Variants in CHM observed in about 807,000 individuals in gnomAD.
CHM encodes the protein rab proteins geranylgeranyltransferase component A 1.
A neutral mutation model predicts 49.0 loss-of-function variants in CHM; 10 were observed. The ratio of observed to expected loss-of-function variants is 0.20; its 90% CI spans 0.13 to 0.35. The LOEUF is 0.35. Ranked by LOEUF, CHM falls within the 10% of genes least tolerant of loss-of-function variation. CHM has a pLI of 1.00. For synonymous variants in CHM, 184 were observed against 167.5 expected (o/e 1.10, Z -0.76); for missense variants, 455 against 478.4 (o/e 0.95, Z 0.46).
At chrX:85,917,781 T>TAACAAAATA (rs1436948316) in intron 8 of CHM, among the ~76,000 whole-genome samples, 2 of 96,696 alleles carry the variant, frequency 2.1e-5, no homozygotes, top group Non-Finnish European at 4.2e-5. Context: ...GAAGCATAAA[T>TAACAAAATA]AACAAAATAA....
intron 14 of CHM, among the ~76,000 whole-genome samples, chrX:85,865,224 C>T (rs965171638): frequency 1.8e-5 from 2 of 111,670 alleles, no homozygotes; most frequent in East Asian, 5.6e-4. Flanking sequence ...GTTATCCCCA[C>T]GTGTTAGGGG....
intron 2 of CHM, among the ~76,000 whole-genome samples, chrX:86,006,466 T>A (rs974647732): frequency 1.8e-5 from 2 of 111,608 alleles, no homozygotes; most frequent in African/African-American, 6.5e-5. Flanking sequence ...AAAGAAGAAG[T>A]CAAATTGTCC....
At chrX:85,886,536 T>C (rs1022596284) in intron 12 of CHM, among the ~76,000 whole-genome samples, 3 of 111,638 alleles carry the variant, frequency 2.7e-5, no homozygotes, top group Non-Finnish European at 5.7e-5. Context: ...CAGGTTTGGA[T>C]ACATAAAATA....
intron 2 of CHM, among the ~76,000 whole-genome samples, chrX:86,024,646 T>C (rs1933732695): frequency 9.0e-6 from 1 of 111,696 alleles, no homozygotes; most frequent in Admixed American, 9.5e-5. Flanking sequence ...GACAGTGGCA[T>C]AAAGAAAAAG....
intron 2 of CHM, among the ~76,000 whole-genome samples, chrX:85,982,588 C>A (rs1931689691): frequency 9.0e-6 from 1 of 110,958 alleles, no homozygotes; most frequent in South Asian, 3.9e-4. Flanking sequence ...TTTTTTGCAA[C>A]CAGAACTCTT....
rs192963050 is a variant in CHM, at chrX:86,001,938, C to T, written c.117-20129G>A. On this transcript the variant is annotated intron_variant, in intron 2 of 14. Coordinates refer to ENST00000357749, the MANE Select transcript of CHM (RefSeq NM_000390.4). ...TAAGCCAGCCCCATGGTGTAATGGT[C>T]AACACCCTGGACTCTGAAAATTGCA... 7.2e-5 allele frequency among the ~76,000 whole-genome samples: 8 copies of T among 111,223 alleles called. No homozygotes were observed. The East Asian group carries it at 2.3e-3, about 32-fold the overall frequency.
intron 2 of CHM, among the ~76,000 whole-genome samples, chrX:86,013,345 G>A (rs1024761923): frequency 8.9e-6 from 1 of 111,840 alleles, no homozygotes; most frequent in African/African-American, 3.2e-5. Flanking sequence ...AGGTCCAGGC[G>A]TGGGGATGTT....
intron 1 of CHM, among the ~76,000 whole-genome samples, chrX:86,038,460 C>A: frequency 8.9e-6 from 1 of 111,817 alleles, no homozygotes. Flanking sequence ...TGTTTCATGT[C>A]TCCCTAAAAC....
intron 2 of CHM, among the ~76,000 whole-genome samples, chrX:86,001,825 T>C (rs908824705): frequency 1.8e-5 from 2 of 109,935 alleles, no homozygotes; most frequent in Non-Finnish European, 3.8e-5. Flanking sequence ...TGAAAAACAA[T>C]TTTTTCAAAA....
chrX:85,941,338 G>A (rs1321695636), intron 8 of CHM, among the ~76,000 whole-genome samples: 3 of 111,451 alleles, frequency 2.7e-5, no homozygotes, highest in Non-Finnish European at 5.6e-5. Flanking sequence ...GCTCCACCCA[G>A]ATCTACAAGT....
rs1317009616 is a variant in CHM, at chrX:85,862,156, G to T, written c.*2474C>A. ...TATTTAATAAATGACCTGAAAGAGA[G>T]ATTCTGATGCTAATGGATGAAACAG... On this transcript the variant is annotated 3_prime_UTR_variant, in exon 15 of 15. Coordinates refer to ENST00000357749, the MANE Select transcript of CHM (RefSeq NM_000390.4). The T allele has an allele frequency of 8.9e-6, 1 of 111,957 alleles. No homozygotes were observed. The highest frequency in any genetic ancestry group is 1.9e-5 in the Non-Finnish European group (1 of 53,180). The allele number at this position is 111,957 out of a possible 1,213,427, so 9.2% of individuals were successfully genotyped here. A position where few individuals can be genotyped will look rare whatever the true frequency, so the allele number is the denominator to read the frequency against.
chrX:85,928,485 G>C (rs1005266061), intron 8 of CHM, among the ~76,000 whole-genome samples: 2 of 111,617 alleles, frequency 1.8e-5, no homozygotes, highest in South Asian at 7.6e-4. Flanking sequence ...AGAGGTTGCA[G>C]TGAGCCGAGA....
At chrX:85,960,527 G>A (rs1161219744) in intron 5 of CHM, among the ~76,000 whole-genome samples, 4 of 110,179 alleles carry the variant, frequency 3.6e-5, no homozygotes, top group East Asian at 2.9e-4. Flanking sequence ...AGGTTCAAGC[G>A]ATTCTCCTGC....
intron 11 of CHM, 130 bp downstream of exon 11, chrX:85,900,516 C>CA (rs1350065179): frequency 2.0e-5 from 10 of 488,591 alleles, no homozygotes; most frequent in African/African-American, 9.7e-5. Flanking sequence ...GTTCTCACCA[C>CA]AAAAAAAGGT....
intron 9 of CHM, among the ~76,000 whole-genome samples, chrX:85,905,650 A>G (rs756691942): frequency 2.3e-4 from 26 of 111,828 alleles, no homozygotes; most frequent in Non-Finnish European, 4.5e-4. Context: ...GATAACATAC[A>G]GTTAAGCAAG....
intron 8 of CHM, among the ~76,000 whole-genome samples, chrX:85,911,963 A>T (rs867209737): frequency 9.0e-6 from 1 of 110,992 alleles, no homozygotes; most frequent in African/African-American, 3.3e-5. Context: ...AGGAAAGGAG[A>T]TATTTTCTTA....
rs1479708281 is a variant in CHM, at chrX:85,862,239, G to A, written c.*2391C>T. The A allele has an allele frequency of 1.8e-5, 2 of 112,342 alleles. No individual in the cohort carries two copies. The highest frequency in any genetic ancestry group is 3.8e-5 in the Non-Finnish European group (2 of 53,225). 9.3% of individuals were successfully genotyped at this position (112,342 alleles called of 1,213,427 possible). The stretch of plus-strand genomic sequence containing the variant: ...ATTGTTCTACATATAGGTGGCTGCA[G>A]TAAGGCCAATAGAATTTTTGTGGTT... On this transcript the variant is annotated 3_prime_UTR_variant, in exon 15 of 15. Coordinates refer to ENST00000357749, the MANE Select transcript of CHM (RefSeq NM_000390.4).
In CHM at chrX:85,894,213, T is replaced by A; in HGVS notation, c.1485A>T (p.Ser495=). The change falls in exon 12 of 15, where the codon TCA becomes TCT. Residue 495 remains serine, a synonymous_variant. Coordinates refer to ENST00000357749, the MANE Select transcript of CHM (RefSeq NM_000390.4). ...FAVRVIELCS[S]TMTCMKGTYL... ...AGGTGCCTTTCATGCATGTCATCGT[T>A]GAAGAACATAACTCAATGACCCGAA... 1 of 1,209,400 alleles carries A rather than the reference T, an allele frequency of 8.3e-7. No individual in the cohort carries two copies. Among genetic ancestry groups the A allele is most frequent in the Non-Finnish European group, 1.1e-6 (1 of 893,443 alleles).
intron 8 of CHM, among the ~76,000 whole-genome samples, chrX:85,923,689 A>G (rs1220746409): frequency 8.9e-6 from 1 of 111,807 alleles, no homozygotes; most frequent in Non-Finnish European, 1.9e-5. Flanking sequence ...CTAGTACAAG[A>G]GAGAGACAAC....
Sources: allele counts gnomAD v4.1 joint callset (sites outside exome capture counted in the v4.1 genomes callset), GRCh38; gene constraint gnomAD v4.1.1; transcripts MANE v1.5; gene names NCBI Gene and HGNC (gene_info 2026-07-23, HGNC 2026-07-21).